UBR4: variants seen among roughly 807,000 people sequenced by gnomAD.
UBR4 encodes E3 ubiquitin-protein ligase UBR4.
UBR4 carries 124 observed loss-of-function variants against 575.6 expected under a neutral mutation model. The observed-to-expected ratio is 0.22, with a 90% CI of 0.19 to 0.25. UBR4 has a LOEUF of 0.25. Ranked by LOEUF, UBR4 falls within the 10% of genes least tolerant of loss-of-function variation. The pLI is 1.00. For synonymous variants in UBR4, 2,455 were observed against 2,473.7 expected, an observed-to-expected ratio of 0.99 and a Z score of 0.22; for missense variants, 4,818 against 6,478.8, an observed-to-expected ratio of 0.74 and a Z score of 8.80.
At chr1:19,087,786 C>T in intron 99 of UBR4, 30 bp downstream of exon 99, 1 of 1,580,606 alleles carries the variant, frequency 6.3e-7, no homozygotes, top group Non-Finnish European at 8.6e-7. Flanking sequence ...GCTGGGCCCT[C>T]AGGACCGACC....
intron 52 of UBR4, chr1:19,146,143 G>C: frequency 6.7e-7 from 1 of 1,499,384 alleles, no homozygotes; most frequent in Non-Finnish European, 9.0e-7. Context: ...TTGTATGTTA[G>C]AATTAAGTAG....
intron 86 of UBR4, 49 bp downstream of exon 86, chr1:19,104,536 C>G (rs1291938314): frequency 6.3e-7 from 1 of 1,598,918 alleles, no homozygotes; most frequent in East Asian, 2.2e-5. Flanking sequence ...AAGGGTTGTC[C>G]CTAAACAGAT....
At position 19,185,191 on chromosome 1, in the gene UBR4, G is replaced by C; in HGVS notation, c.1846C>G (p.Pro616Ala). 6.2e-7 allele frequency: 1 copy of C among 1,614,188 alleles called. No homozygotes were observed. Among genetic ancestry groups the C allele is most frequent in the Non-Finnish European group, 8.5e-7 (1 of 1,180,026 alleles). Residue 616 changes from proline (P) to alanine (A), a missense_variant, in exon 15 of 106, where the codon CCA becomes GCA. Physicochemically the swap from Pro to Ala is conservative, Grantham distance 27 (BLOSUM62 -1). This residue lies in a region of UBR4 where 1,172 missense variants were observed against 1,259.7 expected (regional missense o/e 0.93). Transcript: ENST00000375254. The stretch of plus-strand genomic sequence containing the variant: ...TTAACCCGAGGAGAGCTTTCCAGTG[G>C]AGGAGGTGGGGGAGGAGGCGGAGGT... ...AAPPPPPPPP[P>A]LESSPRVKSP...
At chr1:19,104,444 T>C (rs1166245956) in intron 86 of UBR4, 141 bp downstream of exon 86, 9 of 1,166,776 alleles carry the variant, frequency 7.7e-6, no homozygotes, top group Non-Finnish European at 9.6e-6. Context: ...AACGTATCAA[T>C]ACAGAAAAAA....
chr1:19,177,705 A>T lies in UBR4; in HGVS notation c.2393T>A (p.Val798Glu), dbSNP rs778329475. Residue 798 changes from valine (V) to glutamate (E), a missense_variant, in exon 19 of 106, where the codon GTG (valine) becomes GAG (glutamate). This residue lies in a region of UBR4 where 1,172 missense variants were observed against 1,259.7 expected (regional missense o/e 0.93). Coordinates refer to ENST00000375254, the MANE Select transcript of UBR4 (RefSeq NM_020765.3). Reference sequence around the variant, plus strand: ...CAGATCCTCTGTCTCACTGGGCACCACACCTTGCAGGGCATTCTGCTTCAT... The same window carrying T: ...CAGATCCTCTGTCTCACTGGGCACCTCACCTTGCAGGGCATTCTGCTTCAT... Reference protein sequence around the residue: ...STMKQNALQGVVPSETEDLNV... With the variant: ...STMKQNALQGEVPSETEDLNV... The T allele has an allele frequency of 2.5e-6, 4 of 1,614,032 alleles. No individual in the cohort carries two copies. The South Asian group carries it at 4.4e-5, about 18-fold the overall frequency.
chr1:19,130,971 C>T (rs575322930), intron 60 of UBR4, among the ~76,000 whole-genome samples: 1 of 152,038 alleles, frequency 6.6e-6, no homozygotes, highest in South Asian at 2.1e-4. Flanking sequence ...TGCAGTGGCA[C>T]AATCACAGCT....
intron 101 of UBR4, 25 bp from the exon 102 acceptor site, chr1:19,084,723 G>T: frequency 6.3e-7 from 1 of 1,575,610 alleles, no homozygotes; most frequent in South Asian, 1.2e-5. Context: ...AACAAACAAT[G>T]AAATGGAAGT....
At chr1:19,180,841 T>C (rs1387593358) in intron 17 of UBR4, among the ~76,000 whole-genome samples, 1 of 152,136 alleles carries the variant, frequency 6.6e-6, no homozygotes, top group Admixed American at 6.5e-5. Context: ...GTAAGGTAAC[T>C]GACTCTCTAA....
chr1:19,090,845 A>C (rs2077433606), intron 97 of UBR4, among the ~76,000 whole-genome samples: 2 of 152,236 alleles, frequency 1.3e-5, no homozygotes, highest in South Asian at 4.1e-4. Flanking sequence ...CTGTAATCCC[A>C]GCACTTTGGG....
At position 19,118,362 on chromosome 1, in the gene UBR4, A is replaced by ACAT. The variant is rs371984229; in HGVS notation, c.10542-455_10542-453dup. On this transcript the variant is annotated intron_variant, in intron 71 of 105. Transcript: ENST00000375254. ...TAGAAGTTTTTTTAAAAAAAGGAAG[A>ACAT]CATTTTCTTTAAATTTGTTTCACCT... 8.4e-3 allele frequency: 1,335 copies of ACAT among 159,448 alleles called. 18 individuals are homozygous for ACAT. Among genetic ancestry groups the ACAT allele is most frequent in the African/African-American group, 0.03 (1,259 of 41,562 alleles). The allele number at this position is 159,448 out of a possible 1,614,324, so 9.9% of individuals were successfully genotyped here.
At chr1:19,190,292 C>CAAA (rs1184892281) in intron 11 of UBR4, among the ~76,000 whole-genome samples, 31 of 40,350 alleles carry the variant, frequency 7.7e-4, no homozygotes, top group East Asian at 3.9e-3. Flanking sequence ...GACTCTGCCT[C>CAAA]AAAAAAAAAA....
chr1:19,100,691 C>G lies in UBR4; in HGVS notation c.13024-118G>C, dbSNP rs1185443784. 4 of 937,584 alleles carry G rather than the reference C, an allele frequency of 4.3e-6. No homozygotes were observed. Among genetic ancestry groups the G allele is most frequent in the African/African-American group, 1.7e-5 (1 of 60,540 alleles). 58.1% of individuals were successfully genotyped at this position (937,584 alleles called of 1,614,324 possible). ...CACCAAACTCAGCAAGCCCCCCAAACATTTAAAGATACAAAGGACAGGAAA... is the reference window on the plus strand; with the variant it reads ...CACCAAACTCAGCAAGCCCCCCAAAGATTTAAAGATACAAAGGACAGGAAA... On this transcript the variant is annotated intron_variant, in intron 88 of 105. Transcript: ENST00000375254. This position sits in a 1 kb window ranked among gnomAD's most constrained non-coding sequence, Gnocchi z 4.2.
chr1:19,096,713 C>T, intron 91 of UBR4, 63 bp from the exon 92 acceptor site: 1 of 1,585,882 alleles, frequency 6.3e-7, no homozygotes, highest in Non-Finnish European at 8.6e-7. Flanking sequence ...TAAAATAGGC[C>T]AGGATAAGAC....
At chr1:19,154,490 C>T (rs1160917902) in intron 44 of UBR4, among the ~76,000 whole-genome samples, 1 of 152,142 alleles carries the variant, frequency 6.6e-6, no homozygotes, top group Non-Finnish European at 1.5e-5. Context: ...AAAGTCTCTT[C>T]CTCCCCCATA....
At chr1:19,121,537 C>G in intron 67 of UBR4, 103 bp from the exon 68 acceptor site, 1 of 1,420,892 alleles carries the variant, frequency 7.0e-7, no homozygotes, top group East Asian at 2.4e-5. Context: ...CTGTTCTCAC[C>G]AGCTTTCTTT....
chr1:19,140,656 C>T, intron 58 of UBR4, 132 bp downstream of exon 58: 1 of 951,054 alleles, frequency 1.1e-6, no homozygotes, highest in Non-Finnish European at 1.6e-6. Flanking sequence ...ACCCATCTTT[C>T]TAAAGCCAAG....
At position 19,178,997 on chromosome 1, in the gene UBR4, C is replaced by G; in HGVS notation, c.2354+54G>C. 2.5e-6 allele frequency: 4 copies of G among 1,585,300 alleles called. No individual in the cohort carries two copies. The South Asian group carries it at 3.5e-5, about 14-fold the overall frequency. On this transcript the variant is annotated intron_variant, in intron 18 of 105. Coordinates refer to ENST00000375254, the MANE Select transcript of UBR4 (RefSeq NM_020765.3). ...ACAGATTAACTACAAAGAAGTCAAA[C>G]AAATAAAAAAGGAAATAACTTTCTC...
At chr1:19,190,696 C>T (rs949037059) in intron 11 of UBR4, among the ~76,000 whole-genome samples, 1 of 152,166 alleles carries the variant, frequency 6.6e-6, no homozygotes, top group African/African-American at 2.4e-5. Context: ...AACATACAAG[C>T]CATCAGTAAA....
In UBR4 at chr1:19,163,737, C is replaced by G. The variant is rs183929773; in HGVS notation, c.4764+27G>C. ...GTGAGAATCACCTTTCCCTTCACCC[C>G]CCATTGTCATTCCTCACTTTTCTTA... On this transcript the variant is annotated intron_variant, in intron 34 of 105. Transcript: ENST00000375254. 2,655 of 1,612,084 alleles carry G rather than the reference C, an allele frequency of 1.6e-3. 3 individuals carry two copies. The highest frequency in any genetic ancestry group is 2.1e-3 in the Non-Finnish European group (2,489 of 1,178,088).
Sources: gnomAD v4.1 joint callset for allele counts (sites outside exome capture counted in the v4.1 genomes callset) on GRCh38, gnomAD v4.1.1 for gene constraint, gnomAD v4.1.1 regional missense constraint, Gnocchi (gnomAD v3.1) non-coding constraint, MANE v1.5 for transcripts, NCBI Gene and HGNC (gene_info 2026-07-23, HGNC 2026-07-21) for gene names.